COLEC12: variants seen among roughly 807,000 people sequenced by gnomAD.
COLEC12 encodes the protein collectin subfamily member 12, also known as collectin-12.
COLEC12 carries 33 observed loss-of-function variants against 71.1 expected under a neutral mutation model. The ratio of observed to expected loss-of-function variants is 0.46; its 90% CI spans 0.35 to 0.62. The LOEUF is 0.62. Among genes scored for constraint, COLEC12 ranks in the 20% least tolerant of loss-of-function variants. The pLI is 0.00. For synonymous variants in COLEC12, 350 were observed against 353.0 expected (o/e 0.99, Z 0.10); for missense variants, 765 against 916.1 (o/e 0.84, Z 2.13).
chr18:427,008 C>G (rs1916210958), intron 2 of COLEC12, among the ~76,000 whole-genome samples: 1 of 152,202 alleles, frequency 6.6e-6, no homozygotes, highest in Non-Finnish European at 1.5e-5. Context: ...ACTTGTGTCC[C>G]TCTGGGATGG....
chr18:363,099 AG>A (rs960337900), intron 2 of COLEC12, among the ~76,000 whole-genome samples: 17 of 152,278 alleles, frequency 1.1e-4, no homozygotes, highest in African/African-American at 3.9e-4. Flanking sequence ...GAAACGCTCC[AG>A]GAATGACAGT....
At chr18:323,546 A>C (rs1913766466) in intron 8 of COLEC12, among the ~76,000 whole-genome samples, 1 of 152,244 alleles carries the variant, frequency 6.6e-6, no homozygotes, top group Non-Finnish European at 1.5e-5. Context: ...CCAGATAGAG[A>C]TGAAGTTGGA....
At chr18:475,597 G>A (rs1330693726) in intron 2 of COLEC12, among the ~76,000 whole-genome samples, 1 of 152,154 alleles carries the variant, frequency 6.6e-6, no homozygotes, top group Non-Finnish European at 1.5e-5. Flanking sequence ...AGAGAGTTTG[G>A]CATCCTCTTG....
intron 2 of COLEC12, among the ~76,000 whole-genome samples, chr18:389,464 G>C (rs1915416543): frequency 6.6e-6 from 1 of 151,874 alleles, no homozygotes; most frequent in Non-Finnish European, 1.5e-5. Flanking sequence ...ATTTTTAGTA[G>C]AGACGGGGTT....
At chr18:350,913 T>C (rs926114192) in intron 3 of COLEC12, among the ~76,000 whole-genome samples, 2 of 140,540 alleles carry the variant, frequency 1.4e-5, no homozygotes, top group Non-Finnish European at 3.0e-5. Context: ...TGAGCCGAGA[T>C]CACGCCATTG....
chr18:358,441 T>G (rs546687175), intron 2 of COLEC12, among the ~76,000 whole-genome samples: 2 of 152,308 alleles, frequency 1.3e-5, no homozygotes, highest in Non-Finnish European at 2.9e-5. Context: ...TGGTCCCGTA[T>G]GGGTGCGATG....
chr18:413,374 C>T (rs1915928449), intron 2 of COLEC12, among the ~76,000 whole-genome samples: 3 of 152,290 alleles, frequency 2.0e-5, no homozygotes, highest in Admixed American at 2.0e-4. Context: ...TGTAAGAAAG[C>T]TAGATCACTC....
At chr18:360,531 G>A (rs1358408611) in intron 2 of COLEC12, among the ~76,000 whole-genome samples, 2 of 152,042 alleles carry the variant, frequency 1.3e-5, no homozygotes, top group South Asian at 2.1e-4. Context: ...TGATGCTGAT[G>A]CTGATGCTGA....
intron 8 of COLEC12, among the ~76,000 whole-genome samples, chr18:328,238 C>T (rs1390014594): frequency 2.0e-5 from 3 of 152,094 alleles, no homozygotes; most frequent in African/African-American, 4.8e-5. Context: ...TCACTGCTGG[C>T]GGCAGGGGAA....
chr18:480,755 C>T lies in COLEC12; in HGVS notation c.10G>A (p.Asp4Asn), dbSNP rs1359684351. The change falls in exon 2 of 10, where the codon GAC becomes AAC. Residue 4 changes from aspartate to asparagine, a missense_variant and splice_region_variant. Asp to Asn is a conservative substitution (Grantham distance 23, BLOSUM62 1). Coordinates refer to ENST00000400256, the MANE Select transcript of COLEC12 (RefSeq NM_130386.3). The surrounding 1 kb of genome is among the most constrained non-coding windows in gnomAD (Gnocchi z 4.1). The part of the protein sequence containing the change: MKD[D>N]FAEEEEVQSF... ...TGCACCTCCTCCTCCTCTGCGAAGT[C>T]GTCTGTGAGAGAAGAAGAGACACGA... is the stretch of plus-strand genomic sequence containing the variant. 9.3e-6 allele frequency: 15 copies of T among 1,613,852 alleles called. No homozygotes were observed. Among genetic ancestry groups the T allele is most frequent in the South Asian group, 5.5e-5 (5 of 91,070 alleles).
intron 5 of COLEC12, among the ~76,000 whole-genome samples, chr18:338,984 A>ATTTTTTTTTTTTTTTTTTTTTTTT (rs33991062): frequency 1.4e-5 from 2 of 144,490 alleles, no homozygotes; most frequent in Admixed American, 7.1e-5. Context: ...TATTGTCTTA[A>ATTTTTTTTTTTTTTTTTTTTTTTT]TTTTTTTTTT....
At chr18:432,099 T>A (rs1916315863) in intron 2 of COLEC12, among the ~76,000 whole-genome samples, 1 of 152,162 alleles carries the variant, frequency 6.6e-6, no homozygotes, top group African/African-American at 2.4e-5. Flanking sequence ...ATCTTCTCCA[T>A]CTTTTTGTCT....
At chr18:348,200 T>A (rs547774797) in intron 3 of COLEC12, 37 bp from the exon 4 acceptor site, 195 of 1,229,022 alleles carry the variant, frequency 1.6e-4, no homozygotes, top group Non-Finnish European at 2.3e-4. Flanking sequence ...TATACATATC[T>A]GCTCATATTT....
At chr18:440,092 G>T (rs1160163218) in intron 2 of COLEC12, among the ~76,000 whole-genome samples, 1 of 151,670 alleles carries the variant, frequency 6.6e-6, no homozygotes, top group Non-Finnish European at 1.5e-5. Context: ...TATGCTAAGT[G>T]AAGTAAGCCA....
intron 1 of COLEC12, among the ~76,000 whole-genome samples, chr18:482,013 A>C (rs1013168987): frequency 2.0e-5 from 3 of 151,622 alleles, no homozygotes; most frequent in Admixed American, 6.6e-5. Flanking sequence ...TTCTTTCATC[A>C]CCCACGTAGT....
chr18:479,187 C>T (rs896763702), intron 2 of COLEC12, among the ~76,000 whole-genome samples: 15 of 152,062 alleles, frequency 9.9e-5, no homozygotes, highest in Non-Finnish European at 1.8e-4. Context: ...ACTCCTACTG[C>T]TGCCTTCAGT....
At chr18:384,398 T>G (rs1169109259) in intron 2 of COLEC12, among the ~76,000 whole-genome samples, 2 of 151,986 alleles carry the variant, frequency 1.3e-5, no homozygotes, top group African/African-American at 4.8e-5. Flanking sequence ...TAAAGACAGC[T>G]GGAAAAGGAC....
At chr18:403,576 CCATGGCTCTCTATCTTTTT>C (rs1915728974) in intron 2 of COLEC12, among the ~76,000 whole-genome samples, 1 of 152,110 alleles carries the variant, frequency 6.6e-6, no homozygotes. Context: ...TTTCAGTGAC[CCATGGCTCTCTATCTTTTT>C]GAAAGACAGC....
intron 2 of COLEC12, among the ~76,000 whole-genome samples, chr18:415,847 G>T (rs1037830833): frequency 1.3e-5 from 2 of 152,190 alleles, no homozygotes; most frequent in Non-Finnish European, 2.9e-5. Flanking sequence ...CAGTAACACT[G>T]AGGTTTATTC....
Sources: gnomAD v4.1 joint callset for allele counts (sites outside exome capture counted in the v4.1 genomes callset) on GRCh38, gnomAD v4.1.1 for gene constraint, Gnocchi (gnomAD v3.1) non-coding constraint, MANE v1.5 for transcripts, NCBI Gene and HGNC (gene_info 2026-07-23, HGNC 2026-07-21) for gene names.